The following ADGRB3 variants were observed in gnomAD, a reference collection of about 807,000 sequenced individuals.
The protein encoded by ADGRB3 is brain-specific angiogenesis inhibitor 3.
Under a neutral mutation model 193.4 loss-of-function variants are expected in ADGRB3, and 37 were observed. The ratio of observed to expected loss-of-function variants is 0.19; its 90% CI spans 0.15 to 0.25. The LOEUF (loss-of-function observed/expected upper bound fraction) is 0.25, where lower values mean the gene tolerates loss of function less well. ADGRB3 is among the 10% of genes least tolerant of loss of function. The probability of loss-of-function intolerance (pLI) is 1.00; values close to 1 mark genes in which losing one functional copy is unlikely to be tolerated. For missense variants in ADGRB3, 1,637 were observed against 1,852.9 expected, an observed-to-expected ratio of 0.88 and a Z score of 2.14; for synonymous variants, 690 against 644.2, an observed-to-expected ratio of 1.07 and a Z score of -1.08.
intron 17 of ADGRB3, among the ~76,000 whole-genome samples, chr6:69,201,597 A>T (rs749851014): frequency 2.0e-5 from 3 of 152,046 alleles, no homozygotes; most frequent in Non-Finnish European, 4.4e-5. Context: ...TCAAAATATC[A>T]AAAGTATATA....
chr6:68,967,056 C>T (rs1311353535), intron 8 of ADGRB3, among the ~76,000 whole-genome samples: 1 of 152,180 alleles, frequency 6.6e-6, no homozygotes. Context: ...TTTGACATTA[C>T]TACTAAAAAG....
rs368800866 is a variant in ADGRB3 at position 68,979,350 on chromosome 6, A to C, written c.1734+4010A>C. On this transcript the variant is annotated intron_variant, in intron 10 of 31. Transcript: ENST00000370598. ...TCATGTGCAATTTCTCCAGCCCCCA[A>C]ATACCTAGAAATGTGTAGTGATTGG... is the stretch of plus-strand genomic sequence containing the variant. Among the ~76,000 whole-genome samples the C allele has an allele frequency of 1.3e-4, 20 of 151,442 alleles. No individual in the cohort carries two copies. The East Asian group carries it at 3.7e-3, about 28-fold the overall frequency.
chr6:69,155,891 C>T (rs73745969), intron 17 of ADGRB3, among the ~76,000 whole-genome samples: 21,486 of 151,876 alleles, frequency 0.14, 1,581 homozygotes, highest in Middle Eastern at 0.16. Context: ...TTTTAAAAGG[C>T]GAACAAAAAT....
intron 3 of ADGRB3, among the ~76,000 whole-genome samples, chr6:68,659,825 A>C (rs1190740420): frequency 6.6e-6 from 1 of 151,058 alleles, no homozygotes; most frequent in African/African-American, 2.4e-5. Context: ...GAGTAATGAA[A>C]CTTAACACAG....
chr6:68,767,719 G>C (rs934065297), intron 3 of ADGRB3, among the ~76,000 whole-genome samples: 2 of 151,966 alleles, frequency 1.3e-5, no homozygotes, highest in Admixed American at 6.6e-5. Flanking sequence ...AGAAATAAAG[G>C]GTCTTCAAAT....
At position 69,233,524 on chromosome 6, in the gene ADGRB3, G is replaced by GT; in HGVS notation, c.2607+109dup. 2.9e-6 allele frequency: 4 copies of GT among 1,378,896 alleles called. No individual in the cohort carries two copies. In the Admixed American group the frequency reaches 9.5e-5, roughly 33 times the overall value. The allele number at this position is 1,378,896 out of a possible 1,614,324, so 85.4% of individuals were successfully genotyped here. A position where few individuals can be genotyped will look rare whatever the true frequency, so the allele number is the denominator to read the frequency against. ...ATGGGGAAATGGAAAATGTTGCAGGGTACAAAATTGGGTTCGTCTCCTCCT... is the reference window on the plus strand; with the variant it reads ...ATGGGGAAATGGAAAATGTTGCAGGGTTACAAAATTGGGTTCGTCTCCTCCT... On this transcript the variant is annotated intron_variant, in intron 18 of 31. Transcript: ENST00000370598.
At chr6:69,036,023 T>G (rs1416741869) in intron 13 of ADGRB3, among the ~76,000 whole-genome samples, 1 of 152,148 alleles carries the variant, frequency 6.6e-6, no homozygotes, top group Non-Finnish European at 1.5e-5. Flanking sequence ...AAAGTCCAAG[T>G]AGACAGTTTA....
intron 17 of ADGRB3, among the ~76,000 whole-genome samples, chr6:69,223,077 A>T (rs1271822737): frequency 6.6e-6 from 1 of 152,096 alleles, no homozygotes; most frequent in African/African-American, 2.4e-5. Context: ...TGAGTTCCCA[A>T]CTTGCACATA....
chr6:69,239,050 C>G, intron 19 of ADGRB3, 74 bp from the exon 20 acceptor site: 1 of 691,832 alleles, frequency 1.4e-6, no homozygotes, highest in South Asian at 2.5e-5. Context: ...TGAATGCCAT[C>G]AGTTTGCACA....
In ADGRB3 at chr6:68,945,199, C is replaced by G. The variant is rs112892378; in HGVS notation, c.1195+1205C>G. On this transcript the variant is annotated intron_variant, in intron 6 of 31. Coordinates refer to ENST00000370598, the MANE Select transcript of ADGRB3 (RefSeq NM_001704.3). ...ACTACTAGGTTCCTGTACTTAATGA[C>G]TAGAATTAAAGATGAAGGCAAATAA... Among the ~76,000 whole-genome samples the G allele has an allele frequency of 3.6e-3, 551 of 152,118 alleles. 4 individuals carry two copies. The highest frequency in any genetic ancestry group is 6.6e-3 in the Non-Finnish European group (450 of 67,984).
intron 20 of ADGRB3, among the ~76,000 whole-genome samples, chr6:69,315,479 C>A (rs1292288356): frequency 1.3e-5 from 2 of 151,440 alleles, no homozygotes; most frequent in Non-Finnish European, 3.0e-5. Context: ...TATGTATTAC[C>A]TTTGTGCAAA....
At chr6:69,240,828 T>G (rs1431334211) in intron 20 of ADGRB3, among the ~76,000 whole-genome samples, 1 of 151,958 alleles carries the variant, frequency 6.6e-6, no homozygotes, top group Non-Finnish European at 1.5e-5. Flanking sequence ...TAATACCTAT[T>G]CCCAATTTTT....
intron 15 of ADGRB3, 136 bp downstream of exon 15, chr6:69,049,482 T>C (rs1028921127): frequency 8.2e-6 from 5 of 607,378 alleles, no homozygotes; most frequent in South Asian, 5.0e-5. Flanking sequence ...AAAATACAAA[T>C]TTAATGAACA....
At chr6:69,350,573 A>G (rs1769200677) in intron 26 of ADGRB3, among the ~76,000 whole-genome samples, 1 of 152,080 alleles carries the variant, frequency 6.6e-6, no homozygotes. Flanking sequence ...TTTTAATGTT[A>G]ATTTCACAAG....
chr6:69,063,714 G>C (rs1167063988), intron 16 of ADGRB3, among the ~76,000 whole-genome samples: 1 of 151,980 alleles, frequency 6.6e-6, no homozygotes, highest in African/African-American at 2.4e-5. Flanking sequence ...AGAATGAAAA[G>C]AACCCATTCT....
intron 3 of ADGRB3, among the ~76,000 whole-genome samples, chr6:68,820,636 T>C (rs571717375): frequency 6.6e-6 from 1 of 152,150 alleles, no homozygotes; most frequent in South Asian, 2.1e-4. Flanking sequence ...CATCCCCGCT[T>C]CTCTCTCCCT....
At chr6:68,859,520 A>G (rs1244075492) in intron 3 of ADGRB3, among the ~76,000 whole-genome samples, 1 of 152,130 alleles carries the variant, frequency 6.6e-6, no homozygotes, top group Non-Finnish European at 1.5e-5. Flanking sequence ...ATGGACTTAC[A>G]CTTTGACATT....
At chr6:68,996,710 C>T (rs545410062) in intron 11 of ADGRB3, among the ~76,000 whole-genome samples, 2 of 152,220 alleles carry the variant, frequency 1.3e-5, no homozygotes, top group East Asian at 3.9e-4. Flanking sequence ...CTGTGAACTC[C>T]AAGAGCATTT....
intron 4 of ADGRB3, among the ~76,000 whole-genome samples, chr6:68,934,386 A>C (rs1767429696): frequency 6.6e-6 from 1 of 152,174 alleles, no homozygotes; most frequent in South Asian, 2.1e-4. Flanking sequence ...AAATGTTTAA[A>C]TACTTGTACG....
Sources: gnomAD v4.1 joint callset for allele counts (sites outside exome capture counted in the v4.1 genomes callset) on GRCh38, gnomAD v4.1.1 for gene constraint, MANE v1.5 for transcripts, NCBI Gene and HGNC (gene_info 2026-07-23, HGNC 2026-07-21) for gene names.